The following ZBTB8A variants were observed in gnomAD, a reference collection of about 807,000 sequenced individuals.
The protein encoded by ZBTB8A is zinc finger and BTB domain-containing protein 8A.
ZBTB8A carries 19 observed loss-of-function variants against 37.8 expected under a neutral mutation model. That is an observed-to-expected ratio of 0.50 (90% CI 0.35 to 0.74). The LOEUF (loss-of-function observed/expected upper bound fraction) is 0.74. Ranked by LOEUF, ZBTB8A falls within the 30% of genes least tolerant of loss-of-function variation. The pLI, the probability that ZBTB8A is intolerant of heterozygous loss-of-function variation, is 0.01. For missense variants in ZBTB8A, 394 were observed against 537.8 expected (o/e 0.73, Z 2.65); for synonymous variants, 181 against 185.2 (o/e 0.98, Z 0.19).
At chr1:32,590,086 T>A (rs921757358) in intron 2 of ZBTB8A, among the ~76,000 whole-genome samples, 3 of 151,810 alleles carry the variant, frequency 2.0e-5, no homozygotes, top group African/African-American at 4.8e-5. Flanking sequence ...TCTTTTTTTT[T>A]AACTTTATTT....
chr1:32,575,995 G>A (rs1386211633), intron 2 of ZBTB8A, among the ~76,000 whole-genome samples: 1 of 152,102 alleles, frequency 6.6e-6, no homozygotes, highest in South Asian at 2.1e-4. Flanking sequence ...ATCACAATAT[G>A]CATTTCACTT....
intron 1 of ZBTB8A, among the ~76,000 whole-genome samples, chr1:32,542,569 G>A (rs766010782): frequency 4.6e-5 from 7 of 151,974 alleles, no homozygotes; most frequent in Non-Finnish European, 8.8e-5. Flanking sequence ...GCAAGACTCC[G>A]TCTCAAAAAA....
intron 2 of ZBTB8A, among the ~76,000 whole-genome samples, chr1:32,582,047 T>C (rs1042946397): frequency 6.6e-6 from 1 of 152,048 alleles, no homozygotes; most frequent in African/African-American, 2.4e-5. Flanking sequence ...ATTTATCATA[T>C]CAAAAAAATG....
chr1:32,579,078 A>G (rs1644384134), intron 2 of ZBTB8A, among the ~76,000 whole-genome samples: 1 of 152,088 alleles, frequency 6.6e-6, no homozygotes, highest in South Asian at 2.1e-4. Context: ...TACTACTAAG[A>G]TATTACTCTT....
chr1:32,542,328 C>A (rs1006096726), intron 1 of ZBTB8A, among the ~76,000 whole-genome samples: 1 of 25,682 alleles, frequency 3.9e-5, no homozygotes, highest in African/African-American at 1.5e-4. Context: ...GCCAAGGCCT[C>A]GGGGGTCGGG....
intron 2 of ZBTB8A, among the ~76,000 whole-genome samples, chr1:32,590,834 A>T (rs1050383922): frequency 1.3e-5 from 2 of 152,068 alleles, no homozygotes; most frequent in Non-Finnish European, 1.5e-5. Flanking sequence ...TGCTACTCAT[A>T]GCACCTTCTT....
At chr1:32,546,098 T>G (rs368599183) in intron 1 of ZBTB8A, among the ~76,000 whole-genome samples, 26 of 152,256 alleles carry the variant, frequency 1.7e-4, no homozygotes, top group African/African-American at 4.8e-4. Flanking sequence ...AAATATGTCT[T>G]GAATAAAATG....
intron 3 of ZBTB8A, 64 bp from the exon 4 acceptor site, chr1:32,594,990 A>T (rs547035501): frequency 5.8e-6 from 8 of 1,376,312 alleles, no homozygotes; most frequent in Admixed American, 4.8e-5. Flanking sequence ...CTTGGATTGG[A>T]TTCTTTCTGT....
At chr1:32,567,804 A>AC (rs1184364554) in intron 2 of ZBTB8A, among the ~76,000 whole-genome samples, 3 of 44,380 alleles carry the variant, frequency 6.8e-5, no homozygotes, top group African/African-American at 3.5e-4. Context: ...AAAAAAAAAA[A>AC]AAAAAAAAAA....
chr1:32,579,564 C>A (rs1644388561), intron 2 of ZBTB8A, among the ~76,000 whole-genome samples: 2 of 152,084 alleles, frequency 1.3e-5, no homozygotes, highest in African/African-American at 4.8e-5. Context: ...AGTTATTGAT[C>A]TCTTTGCATA....
intron 2 of ZBTB8A, among the ~76,000 whole-genome samples, chr1:32,556,959 C>T (rs1220425533): frequency 6.6e-6 from 1 of 152,024 alleles, no homozygotes; most frequent in East Asian, 1.9e-4. Context: ...TTTTCCGTGT[C>T]AGTAGAGTGT....
rs1453466697 is a variant in ZBTB8A at position 32,571,920 on chromosome 1, T to C, written c.-2+18380T>C. On this transcript the variant is annotated intron_variant, in intron 2 of 4. Transcript: ENST00000373510. ...TGGGGGTTTTTTTTGTTTGTTTTTT[T>C]TGAGACGGAATCTCATTCTGTCACC... 2.0e-5 allele frequency among the ~76,000 whole-genome samples: 3 copies of C among 151,932 alleles called. 1 individual carries two copies. Among genetic ancestry groups the C allele is most frequent in the Admixed American group, 2.0e-4 (3 of 15,202 alleles).
chr1:32,544,086 A>G (rs1644081631), intron 1 of ZBTB8A, among the ~76,000 whole-genome samples: 1 of 152,186 alleles, frequency 6.6e-6, no homozygotes, highest in African/African-American at 2.4e-5. Context: ...CCTCTGCCTC[A>G]GTCTCCCAAG....
intron 2 of ZBTB8A, among the ~76,000 whole-genome samples, chr1:32,574,293 T>C (rs1278580570): frequency 6.6e-6 from 1 of 152,106 alleles, no homozygotes; most frequent in Non-Finnish European, 1.5e-5. Flanking sequence ...CTCTGTGTGA[T>C]TTTAATCCTT....
Position 32,563,253 on chromosome 1 carries a change from C to T in ZBTB8A, c.-2+9713C>T, listed in dbSNP as rs570240933. Among the ~76,000 whole-genome samples the T allele has an allele frequency of 2.6e-5, 4 of 152,194 alleles. No individual in the cohort carries two copies. The South Asian group carries it at 8.3e-4, about 32-fold the overall frequency. ...TGGGAAGACATTAAGAGAAGCAAGACCAGGCACGATGGCTCACCCTGTAAT... is the reference window on the plus strand; with the variant it reads ...TGGGAAGACATTAAGAGAAGCAAGATCAGGCACGATGGCTCACCCTGTAAT... On this transcript the variant is annotated intron_variant, in intron 2 of 4. Transcript: ENST00000373510.
intron 4 of ZBTB8A, among the ~76,000 whole-genome samples, chr1:32,595,893 A>G (rs1265857344): frequency 6.7e-6 from 1 of 149,686 alleles, no homozygotes; most frequent in Admixed American, 6.6e-5. Context: ...CCTGGGGTCA[A>G]GTGATCCACC....
intron 1 of ZBTB8A, among the ~76,000 whole-genome samples, chr1:32,542,329 G>A (rs748646804): frequency 2.6e-5 from 4 of 151,940 alleles, no homozygotes; most frequent in Non-Finnish European, 5.9e-5. Flanking sequence ...CCAAGGCCTC[G>A]GGGGTCGGGG....
chr1:32,567,811 A>AAAAC (rs1644292847), intron 2 of ZBTB8A, among the ~76,000 whole-genome samples: 1 of 44,180 alleles, frequency 2.3e-5, no homozygotes, highest in Non-Finnish European at 4.0e-5. Context: ...AAAAAAAAAA[A>AAAAC]AAAAAAAAAA....
At chr1:32,563,871 A>G (rs72652175) in intron 2 of ZBTB8A, among the ~76,000 whole-genome samples, 18,236 of 152,162 alleles carry the variant, frequency 0.12, 1,176 homozygotes, top group African/African-American at 0.19. Context: ...CATAGAACCT[A>G]GTCATCTCTT....
Sources: gnomAD v4.1 joint callset for allele counts (sites outside exome capture counted in the v4.1 genomes callset) on GRCh38, gnomAD v4.1.1 for gene constraint, MANE v1.5 for transcripts, NCBI Gene and HGNC (gene_info 2026-07-23, HGNC 2026-07-21) for gene names.